The following KCNN3 variants were observed in gnomAD, a reference collection of about 807,000 sequenced individuals.
KCNN3 encodes potassium calcium-activated channel subfamily N member 3.
Under a neutral mutation model 62.9 loss-of-function variants are expected in KCNN3, and 16 were observed. The ratio of observed to expected loss-of-function variants is 0.25; its 90% CI spans 0.17 to 0.39. KCNN3 has a LOEUF of 0.39. KCNN3 is among the 10% of genes least tolerant of loss of function. KCNN3 has a pLI of 1.00. For missense variants in KCNN3, 599 were observed against 949.4 expected, an observed-to-expected ratio of 0.63 and a Z score of 4.85; for synonymous variants, 370 against 389.2, an observed-to-expected ratio of 0.95 and a Z score of 0.58.
chr1:154,814,791 C>G (rs1650588559), intron 2 of KCNN3, among the ~76,000 whole-genome samples: 1 of 152,230 alleles, frequency 6.6e-6, no homozygotes, highest in South Asian at 2.1e-4. Flanking sequence ...GGTGTAGCTC[C>G]TCTCTCTATT....
chr1:154,847,206 C>A (rs931166409), intron 1 of KCNN3, among the ~76,000 whole-genome samples: 3 of 151,664 alleles, frequency 2.0e-5, no homozygotes, highest in African/African-American at 4.8e-5. Flanking sequence ...TCCTCACTAC[C>A]CCCCCCTGCC....
At chr1:154,788,325 A>G (rs763772568) in intron 2 of KCNN3, among the ~76,000 whole-genome samples, 21 of 152,158 alleles carry the variant, frequency 1.4e-4, no homozygotes, top group Non-Finnish European at 2.4e-4. Flanking sequence ...AGCACCATAC[A>G]AAGTGGTTGA....
intron 2 of KCNN3, among the ~76,000 whole-genome samples, chr1:154,813,988 G>A (rs983190824): frequency 2.0e-5 from 3 of 152,256 alleles, no homozygotes; most frequent in Non-Finnish European, 2.9e-5. Context: ...GACTGCCAGG[G>A]CTGGTGTAGT....
At chr1:154,848,016 A>G (rs1652147925) in intron 1 of KCNN3, among the ~76,000 whole-genome samples, 1 of 152,156 alleles carries the variant, frequency 6.6e-6, no homozygotes, top group South Asian at 2.1e-4. Context: ...AAATCTCTGA[A>G]AACGAGCAGG....
intron 5 of KCNN3, among the ~76,000 whole-genome samples, chr1:154,723,051 T>C (rs1182026471): frequency 1.3e-5 from 2 of 152,110 alleles, no homozygotes; most frequent in African/African-American, 4.8e-5. Context: ...TCTTGACCAA[T>C]GAGCCACTCC....
intron 6 of KCNN3, among the ~76,000 whole-genome samples, chr1:154,714,053 T>TGC (rs1557937766): frequency 7.8e-4 from 16 of 20,550 alleles, no homozygotes; most frequent in African/African-American, 3.9e-3. Context: ...GTGTGCGGGG[T>TGC]GTGTGTGTGT....
chr1:154,834,530 C>T (rs1378671954), intron 1 of KCNN3, among the ~76,000 whole-genome samples: 1 of 152,182 alleles, frequency 6.6e-6, no homozygotes. Context: ...GGAGCTCATT[C>T]CACACTAATT....
At chr1:154,822,836 G>C (rs1222905613) in intron 1 of KCNN3, among the ~76,000 whole-genome samples, 1 of 152,186 alleles carries the variant, frequency 6.6e-6, no homozygotes, top group African/African-American at 2.4e-5. Context: ...GATTAGGTGG[G>C]GGAGGTGAGC....
At chr1:154,764,342 C>G (rs1324454400) in intron 3 of KCNN3, among the ~76,000 whole-genome samples, 2 of 152,094 alleles carry the variant, frequency 1.3e-5, no homozygotes, top group Admixed American at 6.6e-5. Context: ...GGAAAAGGCT[C>G]TCAGGCTGGT....
chr1:154,796,675 A>C (rs1649746980), intron 2 of KCNN3, among the ~76,000 whole-genome samples: 1 of 152,262 alleles, frequency 6.6e-6, no homozygotes, highest in Non-Finnish European at 1.5e-5. Flanking sequence ...AGCTGGGTTC[A>C]GAAGTGTCTG....
chr1:154,864,001 G>A (rs1652865775), intron 1 of KCNN3, among the ~76,000 whole-genome samples: 2 of 152,226 alleles, frequency 1.3e-5, no homozygotes, highest in Admixed American at 6.5e-5. Context: ...CCACCACCCT[G>A]GGGCGGGTGG....
intron 2 of KCNN3, among the ~76,000 whole-genome samples, chr1:154,812,957 T>G (rs553939348): frequency 6.6e-6 from 1 of 152,296 alleles, no homozygotes; most frequent in East Asian, 1.9e-4. Context: ...TCTCCCGACA[T>G]TTTCCTCTCC....
chr1:154,761,851 A>C (rs1648031147), intron 3 of KCNN3, among the ~76,000 whole-genome samples: 1 of 152,144 alleles, frequency 6.6e-6, no homozygotes, highest in Admixed American at 6.5e-5. Flanking sequence ...GAGGCAAGAT[A>C]ATTGCTTGAA....
At chr1:154,789,809 A>C (rs1241711975) in intron 2 of KCNN3, among the ~76,000 whole-genome samples, 1 of 152,192 alleles carries the variant, frequency 6.6e-6, no homozygotes, top group African/African-American at 2.4e-5. Flanking sequence ...CCCTAGAACA[A>C]GAAGCATTTA....
intron 7 of KCNN3, among the ~76,000 whole-genome samples, chr1:154,708,593 A>G (rs927641683): frequency 6.6e-6 from 1 of 151,878 alleles, no homozygotes; most frequent in Non-Finnish European, 1.5e-5. Context: ...CAGGGCCACA[A>G]CCTCTCAGCT....
intron 1 of KCNN3, among the ~76,000 whole-genome samples, chr1:154,846,039 G>T (rs545594907): frequency 6.6e-5 from 10 of 152,264 alleles, no homozygotes; most frequent in African/African-American, 2.4e-4. Context: ...AAAACAGTGG[G>T]GTGGCACAGC....
chr1:154,714,237 TGCG>T (rs1700156873), intron 6 of KCNN3, among the ~76,000 whole-genome samples: 8 of 23,060 alleles, frequency 3.5e-4, no homozygotes, highest in East Asian at 1.4e-3. Flanking sequence ...GTGGGGTGTG[TGCG>T]GTGTGTATGG....
chr1:154,758,859 G>A (rs960824978), intron 3 of KCNN3, among the ~76,000 whole-genome samples: 2 of 152,128 alleles, frequency 1.3e-5, no homozygotes, highest in Non-Finnish European at 2.9e-5. Flanking sequence ...CCAGGCTGGA[G>A]TGCAATGGTG....
intron 3 of KCNN3, among the ~76,000 whole-genome samples, chr1:154,735,150 G>A (rs942174284): frequency 4.6e-5 from 7 of 152,280 alleles, no homozygotes; most frequent in South Asian, 2.1e-4. Context: ...GGCGGGTGGC[G>A]AGCAGGGTAT....
Sources: gnomAD v4.1 joint callset for allele counts (sites outside exome capture counted in the v4.1 genomes callset) on GRCh38, gnomAD v4.1.1 for gene constraint, MANE v1.5 for transcripts, NCBI Gene and HGNC (gene_info 2026-07-23, HGNC 2026-07-21) for gene names.